The following ZFHX3 variants were observed in gnomAD, a reference collection of about 807,000 sequenced individuals.
ZFHX3 encodes the protein zinc finger homeobox protein 3.
In ZFHX3, 42 loss-of-function variants were observed where a neutral mutation model predicts 279.1. The ratio of observed to expected loss-of-function variants is 0.15; its 90% CI spans 0.12 to 0.19. The LOEUF is 0.19. Ranked by LOEUF, ZFHX3 falls within the 10% of genes least tolerant of loss-of-function variation. ZFHX3 has a pLI of 1.00. For synonymous variants in ZFHX3, 2,293 were observed against 1,957.8 expected (o/e 1.17, Z -4.52); for missense variants, 4,981 against 4,754.0 (o/e 1.05, Z -1.40).
intron 3 of ZFHX3, among the ~76,000 whole-genome samples, chr16:73,417,051 C>T (rs777792133): frequency 2.6e-5 from 4 of 152,006 alleles, no homozygotes; most frequent in East Asian, 3.9e-4. Flanking sequence ...ACTGACATCA[C>T]GCACCCCGCA....
At chr16:72,927,922 G>T (rs530650173) in intron 3 of ZFHX3, among the ~76,000 whole-genome samples, 2 of 151,194 alleles carry the variant, frequency 1.3e-5, no homozygotes, top group African/African-American at 4.9e-5. Context: ...ATCCACGGAA[G>T]GTGGGGAGGA....
chr16:73,128,535 A>G (rs895912030), intron 7 of ZFHX3, among the ~76,000 whole-genome samples: 1 of 152,054 alleles, frequency 6.6e-6, no homozygotes, highest in Non-Finnish European at 1.5e-5. Context: ...TTTCTTAACC[A>G]TTTTCCTATA....
chr16:73,818,483 A>C (rs962606042), intron 1 of ZFHX3, among the ~76,000 whole-genome samples: 3 of 152,208 alleles, frequency 2.0e-5, no homozygotes, highest in African/African-American at 7.2e-5. Context: ...ATCATTATAC[A>C]TGATATCAAC....
intron 4 of ZFHX3, among the ~76,000 whole-genome samples, chr16:73,265,514 G>T (rs990296192): frequency 6.6e-6 from 1 of 152,124 alleles, no homozygotes; most frequent in Non-Finnish European, 1.5e-5. Context: ...TTCTACCCAG[G>T]ACTCTTGGAA....
intron 2 of ZFHX3, among the ~76,000 whole-genome samples, chr16:73,580,568 T>C (rs781396238): frequency 2.0e-5 from 3 of 151,482 alleles, no homozygotes; most frequent in Non-Finnish European, 4.4e-5. Flanking sequence ...TACTTAGAAA[T>C]ACCACTCATA....
At chr16:72,910,762 A>G (rs1242132947) in intron 3 of ZFHX3, among the ~76,000 whole-genome samples, 1 of 152,206 alleles carries the variant, frequency 6.6e-6, no homozygotes, top group Non-Finnish European at 1.5e-5. Context: ...CCAATTTCCC[A>G]TACAATCAAG....
chr16:73,133,040 GC>G (rs1485353536), intron 6 of ZFHX3, among the ~76,000 whole-genome samples: 1 of 152,190 alleles, frequency 6.6e-6, no homozygotes, highest in Non-Finnish European at 1.5e-5. Context: ...CACATGGGAG[GC>G]CCCTGGGGTG....
intron 6 of ZFHX3, among the ~76,000 whole-genome samples, chr16:73,143,152 G>A (rs558137930): frequency 6.6e-5 from 10 of 151,960 alleles, no homozygotes; most frequent in African/African-American, 2.2e-4. Flanking sequence ...ATTGGTTTAA[G>A]CTCATTCTCA....
At chr16:73,091,449 A>G (rs945504096) in intron 8 of ZFHX3, among the ~76,000 whole-genome samples, 1 of 152,006 alleles carries the variant, frequency 6.6e-6, no homozygotes, top group Non-Finnish European at 1.5e-5. Flanking sequence ...CCAGGGACTT[A>G]CCTTCCTCGA....
intron 5 of ZFHX3, among the ~76,000 whole-genome samples, chr16:73,195,544 G>A (rs551750125): frequency 1.1e-4 from 17 of 150,768 alleles, no homozygotes; most frequent in Admixed American, 2.0e-4. Flanking sequence ...TCAGCCTCCC[G>A]AGCAGCTGGG....
chr16:72,794,558 C>A lies in ZFHX3; in HGVS notation c.8124G>T (p.Gln2708His), dbSNP rs748002487. 3 of 1,614,232 alleles carry A rather than the reference C, an allele frequency of 1.9e-6. No homozygotes were observed. The East Asian group carries it at 6.7e-5, about 36-fold the overall frequency. ...TGCAAAAAGGGCATCTCCTGTGGGC[C>A]TGCGCTGGGCCTACAGCCCGGAACT... ...KGQFRAVGPA[Q>H]AHRRCPFCRA... Residue 2708 changes from glutamine (Q) to histidine (H), a missense_variant, in exon 9 of 10, where the codon CAG (glutamine) becomes CAT (histidine). Transcript: ENST00000268489. The surrounding 1 kb of genome is among the most constrained non-coding windows in gnomAD (Gnocchi z 4.2).
At chr16:73,729,408 A>C (rs1433675462) in intron 1 of ZFHX3, among the ~76,000 whole-genome samples, 1 of 152,210 alleles carries the variant, frequency 6.6e-6, no homozygotes, top group African/African-American at 2.4e-5. Context: ...GCATGCCTGT[A>C]ATCTCAGCTA....
chr16:72,958,216 TGGGGCACTCCACGCCACTCCCCGA>T lies in ZFHX3; in HGVS notation c.1906_1929del (p.Ser636_Pro643del), dbSNP rs765769977. 1.4e-5 allele frequency: 22 copies of T among 1,611,414 alleles called. No homozygotes were observed. Among genetic ancestry groups the T allele is most frequent in the Middle Eastern group, 1.6e-4 (1 of 6,082 alleles). ...GAGGAGCCCAGGACCGTGTCGCATT[TGGGGCACTCCACGCCACTCCCCGA>T]GGGGCACTCCCCAACCCCAAGCTCG... On this transcript the variant is annotated inframe_deletion, in exon 2 of 10. Transcript: ENST00000268489.
At chr16:73,125,660 G>A (rs1185328073) in intron 7 of ZFHX3, among the ~76,000 whole-genome samples, 1 of 152,028 alleles carries the variant, frequency 6.6e-6, no homozygotes, top group Non-Finnish European at 1.5e-5. Flanking sequence ...TCCTGCCTTC[G>A]AACACTGGAC....
chr16:73,218,636 G>A lies in ZFHX3; in HGVS notation c.-1104+38411C>T, dbSNP rs373383293. Among the ~76,000 whole-genome samples, 40 of 152,220 alleles carry A rather than the reference G, an allele frequency of 2.6e-4. No individual in the cohort carries two copies. The Middle Eastern group carries it at 0.017, about 65-fold the overall frequency. On this transcript the variant is annotated intron_variant, in intron 5 of 17. Coordinates refer to the ZFHX3 transcript ENST00000641206. Reference sequence around the variant, plus strand: ...ACACAAAACTTGGCTGGGTGTGGTGGTGTGCACCTGTAGTCCCAGCTACTC... The same window carrying A: ...ACACAAAACTTGGCTGGGTGTGGTGATGTGCACCTGTAGTCCCAGCTACTC...
chr16:73,539,355 C>A (rs2019968159), intron 2 of ZFHX3, among the ~76,000 whole-genome samples: 1 of 151,606 alleles, frequency 6.6e-6, no homozygotes, highest in African/African-American at 2.4e-5. Flanking sequence ...AGCCCCCAAC[C>A]CCCTGAACAT....
At chr16:73,817,760 C>G (rs1386796414) in intron 1 of ZFHX3, among the ~76,000 whole-genome samples, 1 of 152,178 alleles carries the variant, frequency 6.6e-6, no homozygotes, top group Non-Finnish European at 1.5e-5. Flanking sequence ...CTCATTAGTA[C>G]TGCATTAGTC....
intron 3 of ZFHX3, among the ~76,000 whole-genome samples, chr16:73,322,307 C>T (rs1328526922): frequency 1.3e-5 from 2 of 151,304 alleles, no homozygotes; most frequent in Non-Finnish European, 2.9e-5. Context: ...TTATGATATA[C>T]TTTTCACACG....
intron 2 of ZFHX3, among the ~76,000 whole-genome samples, chr16:73,582,577 C>T (rs570131178): frequency 1.9e-4 from 29 of 151,936 alleles, no homozygotes; most frequent in African/African-American, 6.1e-4. Flanking sequence ...TGGGTTCAAG[C>T]GATTCTTCTG....
Sources: gnomAD v4.1 joint callset for allele counts (sites outside exome capture counted in the v4.1 genomes callset) on GRCh38, gnomAD v4.1.1 for gene constraint, Gnocchi (gnomAD v3.1) non-coding constraint, MANE v1.5 for transcripts, NCBI Gene and HGNC (gene_info 2026-07-23, HGNC 2026-07-21) for gene names.